TMEM135: variants seen among roughly 807,000 people sequenced by gnomAD.
TMEM135 encodes the protein peroxisomal membrane protein 52.
A neutral mutation model predicts 60.3 loss-of-function variants in TMEM135; 30 were observed. That is an observed-to-expected ratio of 0.50 (90% CI 0.37 to 0.68). The LOEUF (loss-of-function observed/expected upper bound fraction) is 0.68, where lower values mean the gene tolerates loss of function less well. TMEM135 is among the 30% of genes least tolerant of loss of function. The pLI is 0.00. For missense variants in TMEM135, 468 were observed against 548.8 expected, an observed-to-expected ratio of 0.85 and a Z score of 1.47; for synonymous variants, 190 against 186.7, an observed-to-expected ratio of 1.02 and a Z score of -0.14.
intron 5 of TMEM135, among the ~76,000 whole-genome samples, chr11:87,219,222 A>T (rs1418758311): frequency 6.6e-6 from 1 of 152,178 alleles, no homozygotes; most frequent in Non-Finnish European, 1.5e-5. Flanking sequence ...TCTGGGTAGA[A>T]ATCACCTAAA....
At chr11:87,288,051 A>T (rs2135426907) in intron 6 of TMEM135, among the ~76,000 whole-genome samples, 1 of 152,252 alleles carries the variant, frequency 6.6e-6, no homozygotes, top group East Asian at 1.9e-4. Flanking sequence ...AAAAAGTTAT[A>T]TTTTCCTGCA....
intron 6 of TMEM135, among the ~76,000 whole-genome samples, chr11:87,281,110 T>TA (rs1165329745): frequency 2.3e-4 from 35 of 152,354 alleles, no homozygotes; most frequent in African/African-American, 7.7e-4. Flanking sequence ...TGGAACTTTA[T>TA]ATTAAGGATG....
chr11:87,234,470 T>C (rs889473002), intron 5 of TMEM135, among the ~76,000 whole-genome samples: 9 of 152,034 alleles, frequency 5.9e-5, no homozygotes, highest in Non-Finnish European at 1.3e-4. Context: ...TCCTAATTAT[T>C]GGTGATATTA....
At chr11:87,058,684 AT>A (rs1949917042) in intron 1 of TMEM135, among the ~76,000 whole-genome samples, 1 of 152,078 alleles carries the variant, frequency 6.6e-6, no homozygotes, top group East Asian at 1.9e-4. Context: ...CAGTGGCGCG[AT>A]CTCAGCTCAC....
intron 4 of TMEM135, among the ~76,000 whole-genome samples, chr11:87,133,057 C>G (rs904035738): frequency 2.6e-5 from 4 of 152,144 alleles, no homozygotes; most frequent in African/African-American, 7.2e-5. Context: ...TACATAGCAT[C>G]TATAGCGTGG....
chr11:87,146,392 A>T (rs1454618504), intron 4 of TMEM135, among the ~76,000 whole-genome samples: 1 of 152,276 alleles, frequency 6.6e-6, no homozygotes, highest in African/African-American at 2.4e-5. Flanking sequence ...AACCTGCTTT[A>T]GCCTCTGGAG....
chr11:87,317,109 C>T (rs889414753), intron 12 of TMEM135, among the ~76,000 whole-genome samples: 12 of 151,952 alleles, frequency 7.9e-5, no homozygotes, highest in African/African-American at 2.9e-4. Context: ...ATTATGTTCT[C>T]ATTACTGTGC....
intron 4 of TMEM135, among the ~76,000 whole-genome samples, chr11:87,111,178 TCCTTAATTAATCCTA>T: frequency 6.6e-6 from 1 of 152,342 alleles, no homozygotes; most frequent in Non-Finnish European, 1.5e-5. Flanking sequence ...ATCTCTACTT[TCCTTAATTAATCCTA>T]GGAGTTTTTG....
chr11:87,071,377 A>C (rs1042185773), intron 2 of TMEM135, 146 bp from the exon 3 acceptor site: 3 of 665,508 alleles, frequency 4.5e-6, no homozygotes, highest in Non-Finnish European at 8.0e-6. Context: ...GGGGAGACAG[A>C]TAATGAGTTT....
At chr11:87,138,937 C>T (rs1938189187) in intron 4 of TMEM135, among the ~76,000 whole-genome samples, 3 of 152,146 alleles carry the variant, frequency 2.0e-5, no homozygotes, top group Admixed American at 2.0e-4. Context: ...GTTTTCATAA[C>T]TTACTTATCT....
rs896305712 is a variant in TMEM135, at chr11:87,323,386, G to A, written c.*2053G>A. 1.3e-5 allele frequency: 6 copies of A among 453,874 alleles called. No homozygotes were observed. The highest frequency in any genetic ancestry group is 2.2e-5 in the Non-Finnish European group (5 of 226,746). The allele number at this position is 453,874 out of a possible 1,614,324, so 28.1% of individuals were successfully genotyped here. On this transcript the variant is annotated 3_prime_UTR_variant, in exon 15 of 15. Transcript: ENST00000305494. ...TGATTTCATTGGGACAGACTGCAAA[G>A]TGTAGTTGTTTGAGCAAACACAAAG...
At chr11:87,152,965 A>G (rs1938595077) in intron 4 of TMEM135, among the ~76,000 whole-genome samples, 1 of 151,932 alleles carries the variant, frequency 6.6e-6, no homozygotes, top group South Asian at 2.1e-4. Flanking sequence ...ATCTTTTTTT[A>G]TGCATCTCCC....
At chr11:87,079,295 TGC>T (rs990126080) in intron 3 of TMEM135, among the ~76,000 whole-genome samples, 3 of 152,198 alleles carry the variant, frequency 2.0e-5, no homozygotes, top group Non-Finnish European at 4.4e-5. Flanking sequence ...TGTGAGCCAC[TGC>T]GCCTGGCCAT....
intron 6 of TMEM135, chr11:87,259,281 AGTGG>A: frequency 5.3e-6 from 2 of 376,006 alleles, no homozygotes; most frequent in African/African-American, 2.1e-5. Context: ...GGACACCAGA[AGTGG>A]AAAAAAAGGA....
intron 5 of TMEM135, among the ~76,000 whole-genome samples, chr11:87,212,961 T>G (rs575139930): frequency 2.6e-5 from 4 of 152,204 alleles, no homozygotes; most frequent in Non-Finnish European, 5.9e-5. Context: ...AAATGATTGG[T>G]TTTCTTAGTT....
chr11:87,147,220 G>A (rs1156552317), intron 4 of TMEM135, among the ~76,000 whole-genome samples: 3 of 152,144 alleles, frequency 2.0e-5, no homozygotes, highest in Non-Finnish European at 2.9e-5. Flanking sequence ...CTACTCGGGA[G>A]GCTGAGGCAC....
chr11:87,319,253 C>T, intron 13 of TMEM135, 57 bp from the exon 14 acceptor site: 3 of 1,366,290 alleles, frequency 2.2e-6, no homozygotes, highest in Non-Finnish European at 3.1e-6. Context: ...TTGTGTATTT[C>T]ATCACTTTCA....
chr11:87,098,728 G>C (rs910373494), intron 4 of TMEM135, among the ~76,000 whole-genome samples: 1 of 151,226 alleles, frequency 6.6e-6, no homozygotes, highest in East Asian at 1.9e-4. Flanking sequence ...TTGCTCTGTC[G>C]CCCAGGCTGC....
chr11:87,320,076 A>G (rs553784243), intron 14 of TMEM135, among the ~76,000 whole-genome samples: 2 of 152,318 alleles, frequency 1.3e-5, no homozygotes, highest in Non-Finnish European at 2.9e-5. Context: ...CATTATTAAT[A>G]ATAATAGCAA....
Sources: gnomAD v4.1 joint callset for allele counts (sites outside exome capture counted in the v4.1 genomes callset) on GRCh38, gnomAD v4.1.1 for gene constraint, MANE v1.5 for transcripts, NCBI Gene and HGNC (gene_info 2026-07-23, HGNC 2026-07-21) for gene names.